The following ABLIM3 variants were observed in gnomAD, a reference collection of about 807,000 sequenced individuals.
ABLIM3 encodes actin binding LIM protein family member 3.
ABLIM3 carries 61 observed loss-of-function variants against 109.5 expected under a neutral mutation model. The ratio of observed to expected loss-of-function variants is 0.56; its 90% confidence interval spans 0.45 to 0.69. The LOEUF (loss-of-function observed/expected upper bound fraction) is 0.69, where lower values mean the gene tolerates loss of function less well. Among genes scored for constraint, ABLIM3 ranks in the 30% least tolerant of loss-of-function variants. The pLI is 0.00. For missense variants in ABLIM3, 796 were observed against 889.5 expected, an observed-to-expected ratio of 0.89 and a Z score of 1.34; for synonymous variants, 300 against 324.8, an observed-to-expected ratio of 0.92 and a Z score of 0.82.
rs115204019 is a variant in ABLIM3 at position 149,149,201 on chromosome 5, C to T, written c.13+7093C>T. On this transcript the variant is annotated intron_variant, in intron 2 of 23. Transcript: ENST00000309868. Reference sequence around the variant, plus strand: ...TCAAACTCAAGATCTATCATGTACTCTCTCTGTGGTCTTGGACAGAATAGA... The same window carrying T: ...TCAAACTCAAGATCTATCATGTACTTTCTCTGTGGTCTTGGACAGAATAGA... Among the ~76,000 whole-genome samples, 635 of 152,298 alleles carry T rather than the reference C, an allele frequency of 4.2e-3. 4 individuals carry two copies. Among genetic ancestry groups the T allele is most frequent in the African/African-American group, 0.015 (614 of 41,552 alleles).
At position 149,259,862 on chromosome 5, in the gene ABLIM3, A is replaced by G. The variant is rs1449411220; in HGVS notation, c.*1458A>G. The stretch of plus-strand genomic sequence containing the variant: ...CATGGCAAATGTAGAACTGACTTAA[A>G]TTGAACAAACCCTCACTGAGCACCT... On this transcript the variant is annotated 3_prime_UTR_variant, in exon 24 of 24. Transcript: ENST00000309868. 2 of 475,984 alleles carry G rather than the reference A, an allele frequency of 4.2e-6. No individual in the cohort carries two copies. Among genetic ancestry groups the G allele is most frequent in the African/African-American group, 3.9e-5 (2 of 51,086 alleles). 29.5% of individuals were successfully genotyped at this position (475,984 alleles called of 1,614,324 possible). A position where few individuals can be genotyped will look rare whatever the true frequency, so the allele number is the denominator to read the frequency against.
chr5:149,164,327 C>A (rs62380145), intron 2 of ABLIM3: 1 of 152,188 alleles, frequency 6.6e-6, no homozygotes, highest in Non-Finnish European at 1.5e-5. Context: ...ATAGGTGTGT[C>A]CAAATGTTTG....
chr5:149,249,371 A>G (rs1282961638), intron 18 of ABLIM3, among the ~76,000 whole-genome samples: 1 of 152,216 alleles, frequency 6.6e-6, no homozygotes, highest in Non-Finnish European at 1.5e-5. Flanking sequence ...ATCACTCCCC[A>G]TTTTGCAGAT....
chr5:149,201,055 A>C (rs1043634837), intron 5 of ABLIM3, among the ~76,000 whole-genome samples: 10 of 152,192 alleles, frequency 6.6e-5, no homozygotes, highest in African/African-American at 2.2e-4. Flanking sequence ...AGCATCTGTC[A>C]TGCCATGATG....
At chr5:149,242,712 T>C (rs1752976657) in intron 15 of ABLIM3, 174 bp downstream of exon 15, 1 of 692,064 alleles carries the variant, frequency 1.4e-6, no homozygotes, top group African/African-American at 1.8e-5. Flanking sequence ...TTTGGTATCA[T>C]TTCAAAAGAA....
intron 18 of ABLIM3, among the ~76,000 whole-genome samples, chr5:149,248,351 G>T (rs1200534310): frequency 1.3e-5 from 2 of 152,146 alleles, no homozygotes; most frequent in South Asian, 2.1e-4. Context: ...CACTCCCATT[G>T]CTTTGGGGCA....
At chr5:149,143,307 G>T (rs1429494845) in intron 2 of ABLIM3, among the ~76,000 whole-genome samples, 1 of 150,588 alleles carries the variant, frequency 6.6e-6, no homozygotes, top group Non-Finnish European at 1.5e-5. Flanking sequence ...AGGTTGCAGT[G>T]AGCCGAGATC....
chr5:149,230,111 A>G (rs1761701172), intron 8 of ABLIM3, among the ~76,000 whole-genome samples: 2 of 152,198 alleles, frequency 1.3e-5, no homozygotes, highest in South Asian at 4.1e-4. Context: ...TATTCATTCA[A>G]CAAATATTTA....
At position 149,259,564 on chromosome 5, in the gene ABLIM3, G is replaced by A. The variant is rs1386107120; in HGVS notation, c.*1160G>A. ...TTCACAGGGAAACTTTTGGAAGAGTGGCTGCTTATGAGATTCCAAAATGAA... is the reference window on the plus strand; with the variant it reads ...TTCACAGGGAAACTTTTGGAAGAGTAGCTGCTTATGAGATTCCAAAATGAA... On this transcript the variant is annotated 3_prime_UTR_variant, in exon 24 of 24. Coordinates refer to ENST00000309868, the MANE Select transcript of ABLIM3 (RefSeq NM_014945.5). 1.3e-6 allele frequency: 2 copies of A among 1,536,190 alleles called. No individual in the cohort carries two copies. Among genetic ancestry groups the A allele is most frequent in the Non-Finnish European group, 1.7e-6 (2 of 1,146,932 alleles).
At chr5:149,141,872 C>T in intron 1 of ABLIM3, 137 bp from the exon 2 acceptor site, 1 of 625,956 alleles carries the variant, frequency 1.6e-6, no homozygotes, top group Non-Finnish European at 2.9e-6. Flanking sequence ...GCCTCCTTCT[C>T]CTTGCTCTCA....
chr5:149,257,307 A>AAG, intron 23 of ABLIM3, among the ~76,000 whole-genome samples: 1 of 152,180 alleles, frequency 6.6e-6, no homozygotes, highest in South Asian at 2.1e-4. Context: ...CTCAAAAAAA[A>AAG]AAAAAAATAG....
In ABLIM3 at chr5:149,198,741, T is replaced by C. The variant is rs1758217989; in HGVS notation, c.335+339T>C. Reference sequence around the variant, plus strand: ...CAGAACTCAGTTTGGAAACTGTGGATCTGGCCCATCCTCCCACACCCTCAT... The same window carrying C: ...CAGAACTCAGTTTGGAAACTGTGGACCTGGCCCATCCTCCCACACCCTCAT... On this transcript the variant is annotated intron_variant, in intron 4 of 23. Coordinates refer to ENST00000309868, the MANE Select transcript of ABLIM3 (RefSeq NM_014945.5). The surrounding 1 kb of genome is among the most constrained non-coding windows in gnomAD (Gnocchi z 4.2). 6.6e-6 allele frequency among the ~76,000 whole-genome samples: 1 copy of C among 152,130 alleles called. No individual in the cohort carries two copies. The highest frequency in any genetic ancestry group is 1.5e-5 in the Non-Finnish European group (1 of 68,014).
intron 7 of ABLIM3, chr5:149,216,444 A>T (rs1488870692): frequency 6.5e-6 from 1 of 152,818 alleles, no homozygotes; most frequent in African/African-American, 2.4e-5. Context: ...TTTTGGATAG[A>T]TGTTAAAGAC....
At chr5:149,186,847 CAAA>C (rs143439412) in intron 3 of ABLIM3, among the ~76,000 whole-genome samples, 13 of 143,166 alleles carry the variant, frequency 9.1e-5, no homozygotes, top group South Asian at 6.6e-4. Flanking sequence ...AAAATATGAG[CAAA>C]AAAAAAACAA....
At chr5:149,160,796 G>C (rs1375266608) in intron 2 of ABLIM3, among the ~76,000 whole-genome samples, 3 of 152,184 alleles carry the variant, frequency 2.0e-5, no homozygotes, top group Admixed American at 6.5e-5. Context: ...TGGGGGTTCT[G>C]TGTGCACCTC....
intron 2 of ABLIM3, among the ~76,000 whole-genome samples, chr5:149,161,341 G>A (rs10077985): frequency 0.086 from 13,030 of 152,256 alleles, 580 homozygotes; most frequent in African/African-American, 0.11. Flanking sequence ...TCCGAGCTAG[G>A]TGAGAAGTCC....
intron 1 of ABLIM3, 118 bp downstream of exon 1, chr5:149,141,772 CG>C (rs1752478801): frequency 2.4e-6 from 1 of 416,192 alleles, no homozygotes; most frequent in African/African-American, 2.0e-5. Flanking sequence ...AGGAATAGTC[CG>C]GGGTGCGCGC....
Position 149,258,620 on chromosome 5 carries a change from G to A in ABLIM3, c.*216G>A. 5.4e-6 allele frequency: 7 copies of A among 1,297,432 alleles called. No individual in the cohort carries two copies. Among genetic ancestry groups the A allele is most frequent in the South Asian group, 2.2e-5 (1 of 46,110 alleles). The allele number at this position is 1,297,432 out of a possible 1,614,324, so 80.4% of individuals were successfully genotyped here. On this transcript the variant is annotated 3_prime_UTR_variant, in exon 24 of 24. Transcript: ENST00000309868. ...GTGGGATCTGGGAAGGGATTTGAGG[G>A]GACTCTGTCCTTTTATTGGGGATCC...
chr5:149,226,014 ATATATATATAT>A (rs1262062473), intron 8 of ABLIM3, among the ~76,000 whole-genome samples: 1 of 101,766 alleles, frequency 9.8e-6, no homozygotes, highest in African/African-American at 3.5e-5. Flanking sequence ...ATATATATAT[ATATATATATAT>A]ATCACAGTTT....
Sources: gnomAD v4.1 joint callset for allele counts (sites outside exome capture counted in the v4.1 genomes callset) on GRCh38, gnomAD v4.1.1 for gene constraint, Gnocchi (gnomAD v3.1) non-coding constraint, MANE v1.5 for transcripts, NCBI Gene and HGNC (gene_info 2026-07-23, HGNC 2026-07-21) for gene names.